Variants in COL6A5 observed in about 807,000 individuals in gnomAD.
The protein encoded by COL6A5 is collagen type VI alpha 5 chain.
A neutral mutation model predicts 65.6 loss-of-function variants in COL6A5; 48 were observed. The observed-to-expected ratio is 0.73, with a 90% CI of 0.58 to 0.93. The LOEUF (loss-of-function observed/expected upper bound fraction) is 0.93, where lower values mean the gene tolerates loss of function less well. Ranked by LOEUF, COL6A5 falls within the 40% of genes least tolerant of loss-of-function variation. The probability of loss-of-function intolerance (pLI) is 0.00; values close to 1 mark genes in which losing one functional copy is unlikely to be tolerated. For synonymous variants in COL6A5, 291 were observed against 322.8 expected, an observed-to-expected ratio of 0.90 and a Z score of 1.05; for missense variants, 914 against 928.3, an observed-to-expected ratio of 0.98 and a Z score of 0.20.
chr3:130,435,885 A>AGG (rs1709017341), intron 1 of COL6A5, among the ~76,000 whole-genome samples: 1 of 151,400 alleles, frequency 6.6e-6, no homozygotes, highest in Non-Finnish European at 1.5e-5. Context: ...CTGCAAACAG[A>AGG]CAACTTGACT....
At chr3:130,457,021 G>A (rs1282207619) in intron 5 of COL6A5, among the ~76,000 whole-genome samples, 2 of 151,864 alleles carry the variant, frequency 1.3e-5, no homozygotes, top group Non-Finnish European at 2.9e-5. Context: ...GATACATGTA[G>A]TACCATGGCA....
exon 1 of COL6A5, chr3:130,431,743 G>A (rs1937820985): frequency 1.3e-6 from 2 of 1,551,498 alleles, no homozygotes. Context: ...GCCCCGAGAT[G>A]TTGGTAATGC....
chr3:130,399,110 G>A (rs961896886), intron 10 of COL6A5, among the ~76,000 whole-genome samples: 2 of 152,222 alleles, frequency 1.3e-5, no homozygotes, highest in African/African-American at 2.4e-5. Context: ...GGAAGACTCC[G>A]TTAATTGTCA....
intron 4 of COL6A5, among the ~76,000 whole-genome samples, chr3:130,444,009 A>G (rs1346242918): frequency 6.6e-6 from 1 of 152,154 alleles, no homozygotes; most frequent in Non-Finnish European, 1.5e-5. Flanking sequence ...AAGCCATTTT[A>G]GAGGCCCACC....
chr3:130,362,257 T>TCTCTCTCTCTCTCTCTCC, intron 1 of COL6A5, among the ~76,000 whole-genome samples: 1 of 141,066 alleles, frequency 7.1e-6, no homozygotes, highest in Middle Eastern at 3.6e-3. Flanking sequence ...TTTCTTTCTC[T>TCTCTCTCTCTCTCTCTCC]CTCTCTCTCT....
intron 5 of COL6A5, among the ~76,000 whole-genome samples, chr3:130,456,003 T>C (rs1171057014): frequency 6.6e-6 from 1 of 152,094 alleles, no homozygotes; most frequent in Non-Finnish European, 1.5e-5. Context: ...TGACTTTTTT[T>C]TGGGGGGAGG....
chr3:130,436,495 A>G (rs1031262793), intron 1 of COL6A5, among the ~76,000 whole-genome samples: 3 of 152,080 alleles, frequency 2.0e-5, no homozygotes, highest in Admixed American at 2.0e-4. Context: ...TGCCTCTCCT[A>G]GCATTCTTTC....
chr3:130,465,015 G>A (rs1015552953), intron 5 of COL6A5, among the ~76,000 whole-genome samples: 1 of 152,028 alleles, frequency 6.6e-6, no homozygotes, highest in African/African-American at 2.4e-5. Flanking sequence ...ACAAAAGAAA[G>A]CAAACAAAAC....
intron 1 of COL6A5, among the ~76,000 whole-genome samples, chr3:130,436,274 T>C (rs1459751925): frequency 6.6e-6 from 1 of 151,112 alleles, no homozygotes; most frequent in Non-Finnish European, 1.5e-5. Flanking sequence ...TTATATTATT[T>C]AGTATTAGTA....
intron 1 of COL6A5, among the ~76,000 whole-genome samples, chr3:130,352,842 A>G (rs1934774306): frequency 6.6e-6 from 1 of 152,248 alleles, no homozygotes; most frequent in Non-Finnish European, 1.5e-5. Context: ...TGATGATTTA[A>G]GAGCCCATCT....
At position 130,347,777 on chromosome 3, in the gene COL6A5, T is replaced by C. The variant is rs1577412805; in HGVS notation, c.-29+1796T>C. 3.3e-5 allele frequency among the ~76,000 whole-genome samples: 5 copies of C among 152,354 alleles called. No individual in the cohort carries two copies. In the East Asian group the frequency reaches 9.6e-4, roughly 29 times the overall value. On this transcript the variant is annotated intron_variant and NMD_transcript_variant, in intron 1 of 41. Coordinates refer to the COL6A5 transcript ENST00000312481. ...AGGGCACAAATTCACTTGGAATGTG[T>C]ACTTTTCTTGGTATTGCAGTTTGCT...
upstream of COL6A5, among the ~76,000 whole-genome samples, chr3:130,430,222 C>T (rs910745973): frequency 1.3e-5 from 2 of 152,124 alleles, no homozygotes; most frequent in Non-Finnish European, 2.9e-5. Flanking sequence ...CAAAAATATA[C>T]CTTGCAAAGA....
rs148961024 is a variant in COL6A5, at chr3:130,450,878, T to C, written c.1333-4577T>C. On this transcript the variant is annotated intron_variant, in intron 4 of 7. Coordinates refer to ENST00000512836, the Ensembl canonical transcript of COL6A5. ...TTGGGCATAAGTATCAGAGAAACTATTGGAGCCTGTGAGCTGAGCCTGAGT... is the reference window on the plus strand; with the variant it reads ...TTGGGCATAAGTATCAGAGAAACTACTGGAGCCTGTGAGCTGAGCCTGAGT... Among the ~76,000 whole-genome samples, 429 of 152,242 alleles carry C rather than the reference T, an allele frequency of 2.8e-3. 2 individuals are homozygous for C. The highest frequency in any genetic ancestry group is 8.8e-3 in the African/African-American group (364 of 41,556).
intron 8 of COL6A5, among the ~76,000 whole-genome samples, chr3:130,396,814 C>G (rs1559878131): frequency 6.6e-6 from 1 of 152,160 alleles, no homozygotes; most frequent in Non-Finnish European, 1.5e-5. Context: ...TGTTTGTAAC[C>G]TCTAAAACTT....
intron 26 of COL6A5, 54 bp downstream of exon 26, chr3:130,421,257 C>A (rs527814234): frequency 2.5e-5 from 38 of 1,544,870 alleles, no homozygotes; most frequent in Non-Finnish European, 1.8e-6. Context: ...CTAAATAATA[C>A]AAGAAGAAAT....
intron 1 of COL6A5, among the ~76,000 whole-genome samples, chr3:130,362,316 ATATATATATATTTTTTTTT>A (rs1194910420): frequency 1.5e-3 from 25 of 16,410 alleles, no homozygotes; most frequent in African/African-American, 7.2e-3. Flanking sequence ...ATATATATAT[ATATATATATATTTTTTTTT>A]TTTTTTTTTT....
intron 6 of COL6A5, among the ~76,000 whole-genome samples, chr3:130,390,416 T>A (rs529335812): frequency 6.6e-6 from 1 of 152,244 alleles, no homozygotes; most frequent in South Asian, 2.1e-4. Flanking sequence ...GACAATTAGC[T>A]AGGCAGGTGG....
At chr3:130,474,266 A>T (rs1710033370) in intron 7 of COL6A5, among the ~76,000 whole-genome samples, 1 of 152,086 alleles carries the variant, frequency 6.6e-6, no homozygotes, top group Non-Finnish European at 1.5e-5. Flanking sequence ...CTAAACTGTG[A>T]CTGCTACTCA....
chr3:130,423,741 A>G (rs1937554451), intron 28 of COL6A5, 97 bp from the exon 29 acceptor site: 1 of 831,332 alleles, frequency 1.2e-6, no homozygotes. Context: ...TATCTTTTTA[A>G]AATTTTTTTT....
Sources: gnomAD v4.1 joint callset for allele counts (sites outside exome capture counted in the v4.1 genomes callset) on GRCh38, gnomAD v4.1.1 for gene constraint, MANE v1.5 for transcripts, NCBI Gene and HGNC (gene_info 2026-07-23, HGNC 2026-07-21) for gene names.